The following MIA2 variants were observed in gnomAD, a reference collection of about 807,000 sequenced individuals.
MIA2 encodes the protein melanoma inhibitory activity protein 2.
Under a neutral mutation model 167.8 loss-of-function variants are expected in MIA2, and 127 were observed. The ratio of observed to expected loss-of-function variants is 0.76; its 90% CI spans 0.66 to 0.88. The LOEUF (loss-of-function observed/expected upper bound fraction) is 0.88, where lower values mean the gene tolerates loss of function less well. Ranked by LOEUF, MIA2 falls within the 40% of genes least tolerant of loss-of-function variation. The probability of loss-of-function intolerance (pLI) is 0.00; values close to 1 mark genes in which losing one functional copy is unlikely to be tolerated. For synonymous variants in MIA2, 552 were observed against 541.9 expected (o/e 1.02, Z -0.26); for missense variants, 1,690 against 1,624.7 (o/e 1.04, Z -0.69).
intron 25 of MIA2, among the ~76,000 whole-genome samples, chr14:39,344,865 C>T (rs2072875140): frequency 6.6e-6 from 1 of 151,986 alleles, no homozygotes; most frequent in Non-Finnish European, 1.5e-5. Flanking sequence ...CCACAAGGAC[C>T]CAGGAATTAT....
At chr14:39,310,799 G>A (rs6571918) in intron 18 of MIA2, among the ~76,000 whole-genome samples, 141,555 of 152,264 alleles carry the variant, frequency 0.93, 65,896 homozygotes, top group African/African-American at 0.95. Flanking sequence ...TCAGTTCACA[G>A]TTAAAAAGCT....
intron 23 of MIA2, 47 bp from the exon 24 acceptor site, chr14:39,320,881 A>G: frequency 6.3e-7 from 1 of 1,593,692 alleles, no homozygotes; most frequent in Non-Finnish European, 8.6e-7. Flanking sequence ...TCTGTAGTGT[A>G]GCTAAGTGAA....
chr14:39,247,047 A>AT lies in MIA2; in HGVS notation c.477dup (p.Gln160SerfsTer11). Reference sequence around the variant, plus strand: ...GAAAAATCTAGTATATATGAAAGTGATTTTCAGATAGAACCTGGATTTTAT... The same window carrying AT: ...GAAAAATCTAGTATATATGAAAGTGATTTTTCAGATAGAACCTGGATTTTAT... On this transcript the variant is annotated frameshift_variant, in exon 4 of 29. Coordinates refer to ENST00000640607, the MANE Select transcript of MIA2 (RefSeq NM_001329214.4). LOFTEE classifies it high-confidence loss of function. 6.2e-7 allele frequency: 1 copy of AT among 1,603,878 alleles called. No individual in the cohort carries two copies.
chr14:39,279,349 C>T lies in MIA2; in HGVS notation c.2032C>T (p.Leu678Phe), dbSNP rs2058604280. Residue 678 changes from leucine to phenylalanine, a missense_variant, in exon 8 of 29, where the codon CTT becomes TTT. Coordinates refer to ENST00000640607, the MANE Select transcript of MIA2 (RefSeq NM_001329214.4). ...AAATTTGTTTCAGGTTAGGAGTCGG[C>T]TTTATGTGGGTAAGTTCTTTTTTCT... ...WRSFRSVRSR[L>F]YVGREKKLAL... The T allele has an allele frequency of 6.2e-7, 1 of 1,607,918 alleles. No homozygotes were observed. Among genetic ancestry groups the T allele is most frequent in the Non-Finnish European group, 8.5e-7 (1 of 1,178,458 alleles).
At chr14:39,328,862 A>C (rs1390541826) in intron 25 of MIA2, among the ~76,000 whole-genome samples, 1 of 152,148 alleles carries the variant, frequency 6.6e-6, no homozygotes, top group African/African-American at 2.4e-5. Context: ...TGTTTTGGCT[A>C]CTGTAGCCTT....
chr14:39,381,837 A>T (rs918657762), intron 23 of MIA2, among the ~76,000 whole-genome samples: 3 of 145,764 alleles, frequency 2.1e-5, no homozygotes, highest in African/African-American at 7.8e-5. Context: ...ACCAGAAACA[A>T]ATCAACAACA....
In MIA2 at chr14:39,304,273, T is replaced by G. The variant is rs2062975562; in HGVS notation, c.2788-18T>G. The G allele has an allele frequency of 8.1e-7, 1 of 1,231,380 alleles. No homozygotes were observed. The highest frequency in any genetic ancestry group is 2.3e-5 in the Admixed American group (1 of 43,828). 76.3% of individuals were successfully genotyped at this position (1,231,380 alleles called of 1,614,324 possible). On this transcript the variant is annotated intron_variant, in intron 16 of 28. Transcript: ENST00000640607. ...TAACTGATTAATGTTACTTTTTTCCTTCTTCCCTTCTTTAAAGTTAAATGC... is the reference window on the plus strand; with the variant it reads ...TAACTGATTAATGTTACTTTTTTCCGTCTTCCCTTCTTTAAAGTTAAATGC...
chr14:39,242,303 T>G (rs1333497856), intron 3 of MIA2, among the ~76,000 whole-genome samples: 2 of 151,242 alleles, frequency 1.3e-5, no homozygotes, highest in South Asian at 2.1e-4. Context: ...TTCTGTTTAT[T>G]TCCTTCATAG....
At chr14:39,267,826 A>C (rs1051924332) in intron 6 of MIA2, among the ~76,000 whole-genome samples, 1 of 152,206 alleles carries the variant, frequency 6.6e-6, no homozygotes, top group Non-Finnish European at 1.5e-5. Flanking sequence ...CCTTTCCGCT[A>C]TGTTGTTTAT....
chr14:39,280,166 T>G (rs2058713613), intron 9 of MIA2, among the ~76,000 whole-genome samples: 1 of 152,194 alleles, frequency 6.6e-6, no homozygotes. Flanking sequence ...AGTCACTGAA[T>G]ATATGTGAGT....
chr14:39,264,744 C>G (rs1239194484), intron 6 of MIA2, among the ~76,000 whole-genome samples: 1 of 152,206 alleles, frequency 6.6e-6, no homozygotes, highest in Non-Finnish European at 1.5e-5. Context: ...AAGTCTGTGA[C>G]ACTGCCTGTT....
At chr14:39,269,976 G>T (rs756599383) in intron 6 of MIA2, among the ~76,000 whole-genome samples, 2 of 152,066 alleles carry the variant, frequency 1.3e-5, no homozygotes, top group Non-Finnish European at 2.9e-5. Context: ...GTTCTCCTGG[G>T]TAAGTACCTG....
chr14:39,311,871 C>A (rs1320618254), intron 18 of MIA2, among the ~76,000 whole-genome samples: 2 of 150,846 alleles, frequency 1.3e-5, no homozygotes, highest in Admixed American at 6.6e-5. Context: ...GCTCTGTCGC[C>A]CAGGCTGGGG....
At chr14:39,310,276 T>G (rs916613221) in intron 18 of MIA2, among the ~76,000 whole-genome samples, 3 of 152,292 alleles carry the variant, frequency 2.0e-5, no homozygotes, top group Admixed American at 1.3e-4. Flanking sequence ...TGCCTCATTT[T>G]TTACATTTTT....
chr14:39,292,908 G>C (rs542745164), intron 10 of MIA2, among the ~76,000 whole-genome samples: 3 of 151,822 alleles, frequency 2.0e-5, no homozygotes, highest in Admixed American at 6.6e-5. Flanking sequence ...TCTTTATAGT[G>C]CTTTTAAGCA....
chr14:39,345,855 T>C, intron 25 of MIA2, 49 bp from the exon 26 acceptor site: 1 of 1,521,466 alleles, frequency 6.6e-7, no homozygotes, highest in South Asian at 1.2e-5. Flanking sequence ...TTAAGTAAAC[T>C]TGATTTATAT....
intron 23 of MIA2, among the ~76,000 whole-genome samples, chr14:39,373,625 A>G (rs1216335844): frequency 2.0e-5 from 3 of 152,146 alleles, no homozygotes; most frequent in Admixed American, 6.5e-5. Flanking sequence ...GTTTGAGACC[A>G]GCCTCGCCAA....
intron 23 of MIA2, among the ~76,000 whole-genome samples, chr14:39,358,462 T>C (rs1387530456): frequency 6.6e-6 from 1 of 152,204 alleles, no homozygotes; most frequent in African/African-American, 2.4e-5. Context: ...GTCTAATCTT[T>C]TTTTTGAAGG....
downstream of MIA2, among the ~76,000 whole-genome samples, chr14:39,351,587 G>C (rs2074384161): frequency 6.6e-6 from 1 of 152,086 alleles, no homozygotes; most frequent in African/African-American, 2.4e-5. Flanking sequence ...ATTAAGTTAT[G>C]GGGGTGGAGA....
Sources: allele counts gnomAD v4.1 joint callset (sites outside exome capture counted in the v4.1 genomes callset), GRCh38; gene constraint gnomAD v4.1.1; transcripts MANE v1.5; gene names NCBI Gene and HGNC (gene_info 2026-07-23, HGNC 2026-07-21).